KSR2: variants seen among roughly 807,000 people sequenced by gnomAD.
The protein encoded by KSR2 is kinase suppressor of ras 2.
KSR2 carries 25 observed loss-of-function variants against 107.8 expected under a neutral mutation model. The observed-to-expected ratio is 0.23, with a 90% confidence interval of 0.17 to 0.32. KSR2 has a LOEUF of 0.32. Among genes scored for constraint, KSR2 ranks in the 10% least tolerant of loss-of-function variants. The pLI is 1.00. For synonymous variants in KSR2, 480 were observed against 507.0 expected (o/e 0.95, Z 0.71); for missense variants, 887 against 1,268.9 (o/e 0.70, Z 4.57).
chr12:117,660,748 A>G (rs574516891), intron 5 of KSR2, among the ~76,000 whole-genome samples: 2 of 152,322 alleles, frequency 1.3e-5, no homozygotes, highest in South Asian at 4.1e-4. Context: ...TGAAACATAA[A>G]GATATTTAAT....
At chr12:117,882,071 G>A (rs1482046878) in intron 1 of KSR2, among the ~76,000 whole-genome samples, 1 of 152,146 alleles carries the variant, frequency 6.6e-6, no homozygotes, top group African/African-American at 2.4e-5. Context: ...GGCAGTTAGA[G>A]AAGGACAGAC....
intron 3 of KSR2, among the ~76,000 whole-genome samples, chr12:117,854,907 T>C (rs1236175202): frequency 6.6e-6 from 1 of 152,166 alleles, no homozygotes; most frequent in African/African-American, 2.4e-5. Flanking sequence ...TATGTGTGGA[T>C]AATTCTATTT....
chr12:117,686,744 T>A (rs546579495), intron 4 of KSR2, among the ~76,000 whole-genome samples: 2 of 152,230 alleles, frequency 1.3e-5, no homozygotes. Flanking sequence ...TCAAGGAAAC[T>A]GATAGTTTTG....
At chr12:117,742,567 G>T (rs1289728113) in intron 4 of KSR2, among the ~76,000 whole-genome samples, 1 of 146,642 alleles carries the variant, frequency 6.8e-6, no homozygotes, top group Non-Finnish European at 1.5e-5. Context: ...TGGGCAGAGA[G>T]ATGAACAGAC....
At chr12:117,932,469 A>C (rs1403503151) in intron 1 of KSR2, among the ~76,000 whole-genome samples, 1 of 152,164 alleles carries the variant, frequency 6.6e-6, no homozygotes, top group Non-Finnish European at 1.5e-5. Context: ...TAATTTTAGC[A>C]CTTTGGGAGG....
chr12:117,525,306 G>A (rs1033467469), intron 13 of KSR2, 87 bp from the exon 14 acceptor site: 101 of 1,399,712 alleles, frequency 7.2e-5, no homozygotes, highest in African/African-American at 3.0e-4. Flanking sequence ...GTGCACATGC[G>A]TAGGTCTGGG....
intron 4 of KSR2, among the ~76,000 whole-genome samples, chr12:117,731,696 A>G (rs1887717700): frequency 6.6e-6 from 1 of 152,064 alleles, no homozygotes; most frequent in Non-Finnish European, 1.5e-5. Context: ...ACTAAGAAAA[A>G]TTCTTCTGCC....
chr12:117,706,313 G>A (rs1285472262), intron 4 of KSR2, among the ~76,000 whole-genome samples: 1 of 152,092 alleles, frequency 6.6e-6, no homozygotes, highest in Admixed American at 6.6e-5. Context: ...CAAAGTGTTA[G>A]GCTGAGTGTT....
chr12:117,885,260 T>G (rs1354106581), intron 1 of KSR2, among the ~76,000 whole-genome samples: 1 of 152,176 alleles, frequency 6.6e-6, no homozygotes, highest in Non-Finnish European at 1.5e-5. Context: ...CCCTATTTAT[T>G]GAGTGCTTTC....
intron 1 of KSR2, among the ~76,000 whole-genome samples, chr12:117,919,173 T>C (rs562778932): frequency 6.6e-6 from 1 of 152,336 alleles, no homozygotes; most frequent in African/African-American, 2.4e-5. Context: ...AAACCTTTTC[T>C]AGTCCTTCAA....
chr12:117,704,881 T>A, intron 4 of KSR2, among the ~76,000 whole-genome samples: 1 of 150,300 alleles, frequency 6.7e-6, no homozygotes, highest in Non-Finnish European at 1.5e-5. Flanking sequence ...AAGTACACAA[T>A]GAAGAAGGAT....
chr12:117,947,197 A>AAGAAAGG (rs1229045706), intron 1 of KSR2, among the ~76,000 whole-genome samples: 1 of 21,844 alleles, frequency 4.6e-5, no homozygotes, highest in East Asian at 9.6e-4. Context: ...AAAAGAAAGA[A>AAGAAAGG]AAGAAAGAAA....
At chr12:117,904,988 C>G (rs1177030082) in intron 1 of KSR2, among the ~76,000 whole-genome samples, 3 of 152,186 alleles carry the variant, frequency 2.0e-5, no homozygotes, top group Non-Finnish European at 4.4e-5. Context: ...TCGAGACCAG[C>G]TTGGCCAACA....
chr12:117,818,757 G>A (rs1285075903), intron 3 of KSR2, among the ~76,000 whole-genome samples: 2 of 152,188 alleles, frequency 1.3e-5, no homozygotes, highest in Admixed American at 1.3e-4. Flanking sequence ...AATGTCCTTG[G>A]AGACAGGGAT....
At chr12:117,763,065 A>G (rs1171875309) in intron 3 of KSR2, among the ~76,000 whole-genome samples, 1 of 151,256 alleles carries the variant, frequency 6.6e-6, no homozygotes, top group Non-Finnish European at 1.5e-5. Flanking sequence ...AACAGTCCCC[A>G]GAGTGTGATG....
rs1021317458 is a variant in KSR2, at chr12:117,819,105, A to G, written c.472+36323T>C. On this transcript the variant is annotated intron_variant, in intron 3 of 19. Transcript: ENST00000339824. ...ACCAAGAAACCATGAGCTCTATGAG[A>G]TCAGGGGCTAGGTCTGTACCGCCCC... Among the ~76,000 whole-genome samples, 3 of 152,000 alleles carry G rather than the reference A, an allele frequency of 2.0e-5. No homozygotes were observed. The East Asian group carries it at 5.8e-4, about 29-fold the overall frequency.
chr12:117,559,055 G>C (rs1438987729), intron 7 of KSR2, among the ~76,000 whole-genome samples: 3 of 151,728 alleles, frequency 2.0e-5, no homozygotes, highest in Non-Finnish European at 4.4e-5. Flanking sequence ...TGGATGGATG[G>C]ATGGATGGAT....
chr12:117,726,618 A>C (rs1213847843), intron 4 of KSR2, among the ~76,000 whole-genome samples: 1 of 152,220 alleles, frequency 6.6e-6, no homozygotes, highest in African/African-American at 2.4e-5. Flanking sequence ...GACATTGCCA[A>C]ATGTTGTCTA....
At chr12:117,708,902 T>C (rs748743200) in intron 4 of KSR2, among the ~76,000 whole-genome samples, 4 of 152,176 alleles carry the variant, frequency 2.6e-5, no homozygotes, top group Non-Finnish European at 4.4e-5. Context: ...ACCTTATAGT[T>C]CTAGAAGTTA....
Sources: allele counts gnomAD v4.1 joint callset (sites outside exome capture counted in the v4.1 genomes callset), GRCh38; gene constraint gnomAD v4.1.1; transcripts MANE v1.5; gene names NCBI Gene and HGNC (gene_info 2026-07-23, HGNC 2026-07-21).